TAF9B: variants seen among roughly 807,000 people sequenced by gnomAD.
The protein encoded by TAF9B is transcription initiation factor TFIID subunit 9B.
In TAF9B, 47 loss-of-function variants were observed where a neutral mutation model predicts 17.6. The observed-to-expected ratio is 2.68, with a 90% confidence interval of 2.12 to 3.41. The LOEUF is 3.41. TAF9B is among the 30% of genes most tolerant of loss of function. The probability of loss-of-function intolerance (pLI) is 0.00; values close to 1 mark genes in which losing one functional copy is unlikely to be tolerated. For synonymous variants in TAF9B, 84 were observed against 68.7 expected (o/e 1.22, Z -1.10); for missense variants, 218 against 189.3 (o/e 1.15, Z -0.89).
chrX:78,138,706 G>A (rs1050347272), intron 2 of TAF9B, 137 bp downstream of exon 2: 2 of 516,338 alleles, frequency 3.9e-6, no homozygotes, highest in Non-Finnish European at 6.4e-6. Context: ...AGTGAGCCAA[G>A]ATCGCGCCAC....
In TAF9B at chrX:78,131,546, G is replaced by T. The variant is rs1241723923; in HGVS notation, c.*64C>A. 1 of 998,026 alleles carries T rather than the reference G, an allele frequency of 1.0e-6. No homozygotes were observed. Among genetic ancestry groups the T allele is most frequent in the Non-Finnish European group, 1.4e-6 (1 of 723,759 alleles). The allele number at this position is 998,026 out of a possible 1,213,427, so 82.2% of individuals were successfully genotyped here. Reference sequence around the variant, plus strand: ...GTAAAACAAGATCTAGAATATTCTAGTTCAGTATACTGGGCTCAAAACCAA... The same window carrying T: ...GTAAAACAAGATCTAGAATATTCTATTTCAGTATACTGGGCTCAAAACCAA... On this transcript the variant is annotated 3_prime_UTR_variant, in exon 7 of 7. Coordinates refer to ENST00000341864, the MANE Select transcript of TAF9B (RefSeq NM_015975.5).
rs1569550976 is a variant in TAF9B at position 78,130,836 on chromosome X, C to T, written c.*774G>A. 1 of 112,157 alleles carries T rather than the reference C, an allele frequency of 8.9e-6. No homozygotes were observed. The allele number at this position is 112,157 out of a possible 1,213,427, so 9.2% of individuals were successfully genotyped here. A position where few individuals can be genotyped will look rare whatever the true frequency, so the allele number is the denominator to read the frequency against. ...CAGGCATAAAAACTAAGGGGTAAAA[C>T]CCAACTGCTCTGACATAAGAGTGAA... On this transcript the variant is annotated 3_prime_UTR_variant, in exon 7 of 7. Transcript: ENST00000341864.
chrX:78,138,176 T>A (rs1275973270), intron 2 of TAF9B, 78 bp from the exon 3 acceptor site: 22 of 1,028,629 alleles, frequency 2.1e-5, no homozygotes, highest in Non-Finnish European at 2.9e-5. Context: ...AATAAAACTT[T>A]CCACTAATTT....
chrX:78,133,860 G>A (rs930106341), intron 5 of TAF9B, among the ~76,000 whole-genome samples: 26 of 111,668 alleles, frequency 2.3e-4, no homozygotes, highest in African/African-American at 8.5e-4. Flanking sequence ...CTAGTACACA[G>A]TAAGCACTGA....
At chrX:78,136,347 T>C (rs1240823251) in intron 5 of TAF9B, among the ~76,000 whole-genome samples, 1 of 112,101 alleles carries the variant, frequency 8.9e-6, no homozygotes, top group African/African-American at 3.2e-5. Context: ...GAACATCTTG[T>C]TGCATCAGAA....
chrX:78,138,647 C>A (rs1164351076), intron 2 of TAF9B, among the ~76,000 whole-genome samples, 196 bp downstream of exon 2: 1 of 112,187 alleles, frequency 8.9e-6, no homozygotes, highest in Non-Finnish European at 1.9e-5. Flanking sequence ...AGTCCCAGCT[C>A]GGGAGGCTGA....
rs1444014961 is a variant in TAF9B, at chrX:78,131,301, G to C, written c.*309C>G. On this transcript the variant is annotated 3_prime_UTR_variant, in exon 7 of 7. Coordinates refer to ENST00000341864, the MANE Select transcript of TAF9B (RefSeq NM_015975.5). ...AGATAAATCTGCTGACTAGGCTGTA[G>C]AATCTGAAACTTAAATGCTACTATC... 1.3e-5 allele frequency: 2 copies of C among 159,538 alleles called. No homozygotes were observed. Among genetic ancestry groups the C allele is most frequent in the African/African-American group, 6.1e-5 (2 of 32,577 alleles). 13.1% of individuals were successfully genotyped at this position (159,538 alleles called of 1,213,427 possible). A position where few individuals can be genotyped will look rare whatever the true frequency, so the allele number is the denominator to read the frequency against.
In TAF9B at chrX:78,136,991, C is replaced by G. The variant is rs2078436649; in HGVS notation, c.406-1G>C. Reference sequence around the variant, plus strand: ...GAACTAGTCTCCCTTGGTTAGGTCCCTAGGGGATTTAAAAAACAAATTAAT... The same window carrying G: ...GAACTAGTCTCCCTTGGTTAGGTCCGTAGGGGATTTAAAAAACAAATTAAT... On this transcript the variant is annotated splice_acceptor_variant, in intron 4 of 6. Coordinates refer to ENST00000341864, the MANE Select transcript of TAF9B (RefSeq NM_015975.5). LOFTEE classifies it high-confidence loss of function. 8.5e-7 allele frequency: 1 copy of G among 1,180,596 alleles called. No homozygotes were observed. The highest frequency in any genetic ancestry group is 1.8e-5 in the African/African-American group (1 of 56,515).
In TAF9B at chrX:78,137,895, A is replaced by C; in HGVS notation, c.271-12T>G. The C allele has an allele frequency of 8.4e-7, 1 of 1,195,139 alleles. No homozygotes were observed. The highest frequency in any genetic ancestry group is 1.1e-6 in the Non-Finnish European group (1 of 890,896). On this transcript the variant is annotated splice_polypyrimidine_tract_variant and intron_variant, in intron 3 of 6. Transcript: ENST00000341864. Reference sequence around the variant, plus strand: ...ATATCCAGTAAAAACTTAAAAAAAAAATCCTTATTAGAACTACAGTTTTAA... The same window carrying C: ...ATATCCAGTAAAAACTTAAAAAAAACATCCTTATTAGAACTACAGTTTTAA...
rs782015949 is a variant in TAF9B at position 78,139,633 on chromosome X, C to A, written c.-22G>T. 4 of 1,209,792 alleles carry A rather than the reference C, an allele frequency of 3.3e-6. No homozygotes were observed. Among genetic ancestry groups the A allele is most frequent in the Non-Finnish European group, 4.5e-6 (4 of 894,663 alleles). ...CCATGTTATCCAGCCACTCGTCATC[C>A]GCGGAGACAGAGGAGAGAGGAGAGC... is the stretch of plus-strand genomic sequence containing the variant. On this transcript the variant is annotated 5_prime_UTR_variant, in exon 1 of 7. Coordinates refer to ENST00000341864, the MANE Select transcript of TAF9B (RefSeq NM_015975.5).
At chrX:78,139,031 C>G in intron 1 of TAF9B, 107 bp from the exon 2 acceptor site, 1 of 598,492 alleles carries the variant, frequency 1.7e-6, no homozygotes, top group South Asian at 2.9e-5. Context: ...CTTCTTTGGG[C>G]TCCAAAGTCC....
Position 78,131,621 on chromosome X carries a change from C to T in TAF9B, c.745G>A (p.Asp249Asn). ...CTAGACTATATTCCTTACATAATAT[C>T]ATTGTCATCATCATCTTCATGTTTT... ...KRKHEDDDDNDIM is the reference protein window; with the variant it reads ...KRKHEDDDDNNIM Residue 249 changes from aspartate to asparagine, a missense_variant, in exon 7 of 7, where the codon GAT becomes AAT. Coordinates refer to ENST00000341864, the MANE Select transcript of TAF9B (RefSeq NM_015975.5). 8.3e-7 allele frequency: 1 copy of T among 1,209,873 alleles called. No homozygotes were observed. Among genetic ancestry groups the T allele is most frequent in the Non-Finnish European group, 1.1e-6 (1 of 894,377 alleles).
Position 78,136,954 on chromosome X carries a change from CACTT to C in TAF9B, c.438_441del (p.Ser147LeufsTer13). On this transcript the variant is annotated frameshift_variant, in exon 5 of 7. Coordinates refer to ENST00000341864, the MANE Select transcript of TAF9B (RefSeq NM_015975.5). LOFTEE classifies it high-confidence loss of function. The stretch of plus-strand genomic sequence containing the variant: ...GTAGGTTTGCTACTAACAGCACCAA[CACTT>C]AATCGTGGAACTAGTCTCCCTTGGT... The C allele has an allele frequency of 8.3e-7, 1 of 1,207,365 alleles. No homozygotes were observed. Among genetic ancestry groups the C allele is most frequent in the East Asian group, 3.0e-5 (1 of 33,832 alleles).
rs1375179370 is a variant in TAF9B at position 78,131,727 on chromosome X, CATTGAAGG to C, written c.631_638del (p.Pro211AspfsTer21). ...TAATAAGAATATTTTTGGGCCCAAT[CATTGAAGG>C]ATTAATCAGAACATTTTGAACTGCA... On this transcript the variant is annotated frameshift_variant, in exon 7 of 7. Transcript: ENST00000341864. LOFTEE classifies it high-confidence loss of function. 1 of 1,208,694 alleles carries C rather than the reference CATTGAAGG, an allele frequency of 8.3e-7. No homozygotes were observed. Among genetic ancestry groups the C allele is most frequent in the Non-Finnish European group, 1.1e-6 (1 of 894,469 alleles).
intron 2 of TAF9B, 66 bp from the exon 3 acceptor site, chrX:78,138,164 TTAA>T (rs2078442009): frequency 3.8e-6 from 4 of 1,051,887 alleles, no homozygotes; most frequent in African/African-American, 1.9e-5. Flanking sequence ...GCTACTTGTC[TTAA>T]TAAAACTTTC....
chrX:78,133,803 G>T (rs782202256), intron 5 of TAF9B, among the ~76,000 whole-genome samples: 1 of 111,021 alleles, frequency 9.0e-6, no homozygotes, highest in Admixed American at 9.6e-5. Flanking sequence ...TATAATTATT[G>T]TGAAAATTAA....
In TAF9B at chrX:78,138,042, G is replaced by C; in HGVS notation, c.190C>G (p.Pro64Ala). The C allele has an allele frequency of 5.0e-6, 6 of 1,208,848 alleles. No individual in the cohort carries two copies. Among genetic ancestry groups the C allele is most frequent in the Non-Finnish European group, 5.6e-6 (5 of 894,407 alleles). The part of the protein sequence containing the change: ...AKIYSSHAKK[P>A]NVDADDVRLA... ...CTCACATCATCTGCATCAACATTAG[G>C]TTTCTTAGCATGGCTCGAATAAATT... Residue 64 changes from proline (P) to alanine (A), a missense_variant, in exon 3 of 7, where the codon CCT (proline) becomes GCT (alanine). By Grantham distance (27) the Pro-to-Ala change is conservative. Transcript: ENST00000341864.
chrX:78,129,936 C>T lies in TAF9B; in HGVS notation c.*1674G>A, dbSNP rs2078401953. The T allele has an allele frequency of 8.9e-6, 1 of 112,139 alleles. No individual in the cohort carries two copies. Among genetic ancestry groups the T allele is most frequent in the Non-Finnish European group, 1.9e-5 (1 of 53,217 alleles). 9.2% of individuals were successfully genotyped at this position (112,139 alleles called of 1,213,427 possible). A position where few individuals can be genotyped will look rare whatever the true frequency, so the allele number is the denominator to read the frequency against. On this transcript the variant is annotated 3_prime_UTR_variant, in exon 7 of 7. Coordinates refer to ENST00000341864, the MANE Select transcript of TAF9B (RefSeq NM_015975.5). ...ACAAGGCTAAGAGGTGAAGTAAGGT[C>T]ACACAGTTGGTAAATGATGGAGCTA...
intron 5 of TAF9B, 69 bp from the exon 6 acceptor site, chrX:78,133,517 A>C (rs2078422835): frequency 1.3e-6 from 1 of 763,703 alleles, no homozygotes; most frequent in African/African-American, 2.1e-5. Flanking sequence ...CACTCAGCTT[A>C]CCGCAAACTA....
Sources: gnomAD v4.1 joint callset for allele counts (sites outside exome capture counted in the v4.1 genomes callset) on GRCh38, gnomAD v4.1.1 for gene constraint, MANE v1.5 for transcripts, NCBI Gene and HGNC (gene_info 2026-07-23, HGNC 2026-07-21) for gene names.